PACRGL: variants seen among roughly 807,000 people sequenced by gnomAD.
The protein encoded by PACRGL is parkin coregulated like.
In PACRGL, 38 loss-of-function variants were observed where a neutral mutation model predicts 34.5. The observed-to-expected ratio is 1.10, with a 90% CI of 0.85 to 1.44. The LOEUF is 1.44. Ranked by LOEUF, PACRGL falls within the 40% of genes most tolerant of loss-of-function variation. The pLI, the probability that PACRGL is intolerant of heterozygous loss-of-function variation, is 0.00. For missense variants in PACRGL, 305 were observed against 281.4 expected, an observed-to-expected ratio of 1.08 and a Z score of -0.60; for synonymous variants, 128 against 100.1, an observed-to-expected ratio of 1.28 and a Z score of -1.66.
chr4:20,723,439 T>G (rs1471905173), intron 7 of PACRGL, among the ~76,000 whole-genome samples: 3 of 151,662 alleles, frequency 2.0e-5, no homozygotes, highest in African/African-American at 4.8e-5. Flanking sequence ...GTTTTTTTGT[T>G]TTTGTTTTTG....
rs1259805848 is a variant in PACRGL, at chr4:20,727,585, G to A, written c.*244G>A. 1 of 368,378 alleles carries A rather than the reference G, an allele frequency of 2.7e-6. No individual in the cohort carries two copies. Among genetic ancestry groups the A allele is most frequent in the African/African-American group, 2.0e-5 (1 of 48,988 alleles). 22.8% of individuals were successfully genotyped at this position (368,378 alleles called of 1,614,324 possible). A position where few individuals can be genotyped will look rare whatever the true frequency, so the allele number is the denominator to read the frequency against. On this transcript the variant is annotated 3_prime_UTR_variant, in exon 9 of 9. Coordinates refer to ENST00000503585, the MANE Select transcript of PACRGL (RefSeq NM_001258345.3). ...TTTATTTTTTGTATTTTTATTATTT[G>A]TGCGAAGAACCATTATTGAGTTTGC...
intron 8 of PACRGL, among the ~76,000 whole-genome samples, chr4:20,725,118 T>A (rs1033149890): frequency 6.6e-6 from 1 of 152,176 alleles, no homozygotes; most frequent in African/African-American, 2.4e-5. Flanking sequence ...AGGGCTTGTG[T>A]ACACTTTCAC....
chr4:20,737,273 C>G (rs1230754140), downstream of PACRGL, among the ~76,000 whole-genome samples: 1 of 144,562 alleles, frequency 6.9e-6, no homozygotes, highest in Non-Finnish European at 1.5e-5. Context: ...AGAGCATTTC[C>G]CTAGGAAAGG....
At chr4:20,723,695 G>A (rs1202068524) in intron 7 of PACRGL, among the ~76,000 whole-genome samples, 1 of 152,070 alleles carries the variant, frequency 6.6e-6, no homozygotes, top group African/African-American at 2.4e-5. Flanking sequence ...TTTATCTTTG[G>A]TCACTTGCAT....
At chr4:20,742,634 AT>A (rs1471623942) in intron 8 of PACRGL, among the ~76,000 whole-genome samples, 1 of 152,210 alleles carries the variant, frequency 6.6e-6, no homozygotes, top group Admixed American at 6.5e-5. Flanking sequence ...AACTGGACTC[AT>A]TCCCTTTGAA....
chr4:20,758,906 GA>G, the PACRGL span: 2 of 1,608,778 alleles, frequency 1.2e-6, no homozygotes, highest in East Asian at 2.2e-5. Context: ...GAAAGTGGCA[GA>G]GAAGCAATAT....
upstream of PACRGL, among the ~76,000 whole-genome samples, chr4:20,700,024 A>C (rs28638204): frequency 7.0e-3 from 1,060 of 152,262 alleles, 12 homozygotes; most frequent in African/African-American, 0.024. Context: ...AGAAAATCCC[A>C]CAGCTGGGCA....
chr4:20,734,330 G>C (rs574017771), downstream of PACRGL, among the ~76,000 whole-genome samples: 56 of 152,028 alleles, frequency 3.7e-4, no homozygotes, highest in Non-Finnish European at 7.4e-4. Flanking sequence ...TTGAAACATG[G>C]GTTGGATACA....
At chr4:20,725,974 A>G (rs1242982048) in intron 8 of PACRGL, among the ~76,000 whole-genome samples, 1 of 152,058 alleles carries the variant, frequency 6.6e-6, no homozygotes, top group African/African-American at 2.4e-5. Context: ...CTCTTCTGAG[A>G]ATTTAAATGC....
Position 20,712,838 on chromosome 4 carries a change from T to C in PACRGL, c.417T>C (p.Phe139=). 1 of 1,603,424 alleles carries C rather than the reference T, an allele frequency of 6.2e-7. No individual in the cohort carries two copies. Among genetic ancestry groups the C allele is most frequent in the Non-Finnish European group, 8.5e-7 (1 of 1,173,632 alleles). ...HPYTFVSKEG[F]RELLLVKGAP... Reference sequence around the variant, plus strand: ...ACACTTTTGTGTCAAAGGAGGGTTTTAGAGAATTACTTTTGGTCAAAGGTG... The same window carrying C: ...ACACTTTTGTGTCAAAGGAGGGTTTCAGAGAATTACTTTTGGTCAAAGGTG... Residue 139 remains phenylalanine, a synonymous_variant, in exon 6 of 9, where the codon TTT becomes TTC. Transcript: ENST00000503585.
intron 8 of PACRGL, among the ~76,000 whole-genome samples, chr4:20,743,172 C>T (rs62411662): frequency 0.18 from 27,668 of 151,946 alleles, 2,656 homozygotes; most frequent in Non-Finnish European, 0.22. Context: ...GAATCCATAT[C>T]GTGAACATGG....
At chr4:20,712,247 T>G (rs1219488189) in intron 5 of PACRGL, among the ~76,000 whole-genome samples, 1 of 151,688 alleles carries the variant, frequency 6.6e-6, no homozygotes, top group African/African-American at 2.4e-5. Context: ...TTTCTTTTCC[T>G]TTTTCTTATT....
rs150886246 is a variant in PACRGL, at chr4:20,718,303, G to C, written c.609+4764G>C. The stretch of plus-strand genomic sequence containing the variant: ...GGGGACAATTTGACTTCCTCTTTTC[G>C]TAATTGAATACCCTTTATTTCTTTC... On this transcript the variant is annotated intron_variant, in intron 7 of 8. Coordinates refer to ENST00000503585, the MANE Select transcript of PACRGL (RefSeq NM_001258345.3). Among the ~76,000 whole-genome samples the C allele has an allele frequency of 7.0e-3, 1,063 of 152,040 alleles. 11 individuals are homozygous for C. Among genetic ancestry groups the C allele is most frequent in the African/African-American group, 0.024 (994 of 41,474 alleles).
Position 20,713,075 on chromosome 4 carries a change from C to G in PACRGL, c.501+153C>G, listed in dbSNP as rs561272160. 1.1e-4 allele frequency: 87 copies of G among 798,058 alleles called. No homozygotes were observed. In the African/African-American group the frequency reaches 1.5e-3, roughly 14 times the overall value. The allele number at this position is 798,058 out of a possible 1,614,324, so 49.4% of individuals were successfully genotyped here. The stretch of plus-strand genomic sequence containing the variant: ...CTGACACATTTACAGAATTAGGCAA[C>G]TGTTACTCAGGGCCAGATAACTACA... On this transcript the variant is annotated intron_variant, in intron 6 of 8. Transcript: ENST00000503585.
intron 8 of PACRGL, among the ~76,000 whole-genome samples, chr4:20,744,933 T>A (rs1285736452): frequency 6.6e-6 from 1 of 152,174 alleles, no homozygotes; most frequent in Non-Finnish European, 1.5e-5. Flanking sequence ...AGCCATGACC[T>A]GGGCGAAGTC....
rs181036774 is a variant in PACRGL at position 20,721,115 on chromosome 4, G to A, written c.610-3693G>A. On this transcript the variant is annotated intron_variant, in intron 7 of 8. Coordinates refer to ENST00000503585, the MANE Select transcript of PACRGL (RefSeq NM_001258345.3). ...GATACCCTTTCTTCCACTCGATTGAGTCGGCTACTGAAGCTTGTGCATTCG... is the reference window on the plus strand; with the variant it reads ...GATACCCTTTCTTCCACTCGATTGAATCGGCTACTGAAGCTTGTGCATTCG... Among the ~76,000 whole-genome samples, 31 of 152,118 alleles carry A rather than the reference G, an allele frequency of 2.0e-4. No individual in the cohort carries two copies. The East Asian group carries it at 5.8e-3, about 28-fold the overall frequency.
In PACRGL at chr4:20,730,066, G is replaced by A; in HGVS notation, c.*2725G>A. On this transcript the variant is annotated 3_prime_UTR_variant, in exon 9 of 9. Transcript: ENST00000503585. ...AGTTCACATTTGTCTGTTGGATTCA[G>A]GATCTATTTGACAAGTTAAATCACA... The A allele has an allele frequency of 1.2e-6, 2 of 1,604,998 alleles. No individual in the cohort carries two copies. The highest frequency in any genetic ancestry group is 1.7e-6 in the Non-Finnish European group (2 of 1,176,930).
chr4:20,746,178 C>T (rs1393028778), intron 8 of PACRGL, among the ~76,000 whole-genome samples: 1 of 152,046 alleles, frequency 6.6e-6, no homozygotes, highest in Non-Finnish European at 1.5e-5. Flanking sequence ...ACATATACAC[C>T]ATGGAATACT....
upstream of PACRGL, among the ~76,000 whole-genome samples, chr4:20,698,810 C>T (rs144068982): frequency 4.1e-3 from 629 of 152,302 alleles, 6 homozygotes; most frequent in Admixed American, 0.012. Context: ...ACGATGTCCT[C>T]CACGTTAGTC....
Sources: gnomAD v4.1 joint callset for allele counts (sites outside exome capture counted in the v4.1 genomes callset) on GRCh38, gnomAD v4.1.1 for gene constraint, MANE v1.5 for transcripts, NCBI Gene and HGNC (gene_info 2026-07-23, HGNC 2026-07-21) for gene names.